The following PTPRM variants were observed in gnomAD, a reference collection of about 807,000 sequenced individuals.
The protein encoded by PTPRM is receptor-type tyrosine-protein phosphatase mu.
PTPRM carries 47 observed loss-of-function variants against 186.7 expected under a neutral mutation model. The ratio of observed to expected loss-of-function variants is 0.25; its 90% CI spans 0.20 to 0.32. The LOEUF is 0.32. Ranked by LOEUF, PTPRM falls within the 10% of genes least tolerant of loss-of-function variation. The pLI is 1.00. For synonymous variants in PTPRM, 668 were observed against 674.9 expected, an observed-to-expected ratio of 0.99 and a Z score of 0.16; for missense variants, 1,494 against 1,865.0, an observed-to-expected ratio of 0.80 and a Z score of 3.66.
chr18:7,993,668 GACAA>G (rs1197082172), intron 7 of PTPRM, among the ~76,000 whole-genome samples: 10 of 151,994 alleles, frequency 6.6e-5, no homozygotes. Context: ...GTGTTTCCTA[GACAA>G]ACAAAAACTG....
intron 5 of PTPRM, among the ~76,000 whole-genome samples, chr18:7,927,273 G>A (rs1446293938): frequency 6.6e-6 from 1 of 152,126 alleles, no homozygotes; most frequent in East Asian, 1.9e-4. Context: ...CTGACAGAAT[G>A]AGTGGGAGTA....
At chr18:7,779,732 GT>G (rs1029877241) in intron 2 of PTPRM, among the ~76,000 whole-genome samples, 6 of 152,170 alleles carry the variant, frequency 3.9e-5, no homozygotes, top group Non-Finnish European at 8.8e-5. Flanking sequence ...AGTGAGAAAT[GT>G]TTTTGGCACA....
At chr18:8,132,952 C>A (rs976108690) in intron 13 of PTPRM, among the ~76,000 whole-genome samples, 3 of 152,208 alleles carry the variant, frequency 2.0e-5, no homozygotes, top group East Asian at 1.9e-4. Context: ...CAAATCAGGT[C>A]ATTTATAAAC....
At chr18:7,619,002 C>T (rs775242672) in intron 1 of PTPRM, among the ~76,000 whole-genome samples, 8 of 151,990 alleles carry the variant, frequency 5.3e-5, no homozygotes, top group Non-Finnish European at 8.8e-5. Context: ...AAACAGTCCC[C>T]GGGCTCTCGG....
chr18:8,190,762 G>A (rs947577252), intron 14 of PTPRM, among the ~76,000 whole-genome samples: 2 of 152,156 alleles, frequency 1.3e-5, no homozygotes, highest in African/African-American at 4.8e-5. Context: ...TATACAAGAT[G>A]ATGGTTTTAT....
intron 2 of PTPRM, among the ~76,000 whole-genome samples, chr18:7,854,948 A>G (rs867463888): frequency 8.5e-5 from 13 of 152,066 alleles, no homozygotes; most frequent in Admixed American, 3.3e-4. Context: ...CATATCCTTG[A>G]AGGTTAGGTA....
chr18:7,628,821 C>G (rs1037212097), intron 1 of PTPRM, among the ~76,000 whole-genome samples: 2 of 152,166 alleles, frequency 1.3e-5, no homozygotes, highest in African/African-American at 4.8e-5. Context: ...ATGGAACAGG[C>G]ACTGTGTACT....
At chr18:8,302,472 A>G (rs2095169768) in intron 20 of PTPRM, among the ~76,000 whole-genome samples, 1 of 152,166 alleles carries the variant, frequency 6.6e-6, no homozygotes. Context: ...TATAAGAATA[A>G]CGGAAACTTC....
At chr18:8,195,815 C>A (rs1346714381) in intron 14 of PTPRM, among the ~76,000 whole-genome samples, 2 of 152,024 alleles carry the variant, frequency 1.3e-5, no homozygotes, top group East Asian at 3.9e-4. Context: ...GATGGTTACA[C>A]TGAAAGCCCA....
chr18:8,382,662 C>G lies in PTPRM; in HGVS notation c.3919-1899C>G, dbSNP rs142591664. Reference sequence around the variant, plus strand: ...AACATAAAAGGCACCCTTGGTTACCCTACTTTCATTCTTACTTATAAAATC... The same window carrying G: ...AACATAAAAGGCACCCTTGGTTACCGTACTTTCATTCTTACTTATAAAATC... On this transcript the variant is annotated intron_variant, in intron 29 of 32. Transcript: ENST00000580170. Among the ~76,000 whole-genome samples, 288 of 152,254 alleles carry G rather than the reference C, an allele frequency of 1.9e-3. 2 individuals carry two copies. The highest frequency in any genetic ancestry group is 7.1e-4 in the Non-Finnish European group (48 of 68,000).
intron 5 of PTPRM, among the ~76,000 whole-genome samples, chr18:7,936,504 C>T (rs190689922): frequency 3.9e-5 from 6 of 152,304 alleles, no homozygotes; most frequent in East Asian, 3.9e-4. Flanking sequence ...AGCCCCCTGC[C>T]GCCTCAGCCC....
chr18:7,809,777 A>T (rs1288339285), intron 2 of PTPRM, among the ~76,000 whole-genome samples: 1 of 152,096 alleles, frequency 6.6e-6, no homozygotes, highest in Non-Finnish European at 1.5e-5. Context: ...CCTTCCTGTG[A>T]TGTTTATCTT....
chr18:8,319,967 GA>G (rs1184400041), intron 22 of PTPRM, among the ~76,000 whole-genome samples: 1 of 152,180 alleles, frequency 6.6e-6, no homozygotes, highest in Non-Finnish European at 1.5e-5. Context: ...GTCATCTGCA[GA>G]TGGTGGGGGT....
intron 1 of PTPRM, among the ~76,000 whole-genome samples, chr18:7,770,395 A>G (rs1452871936): frequency 1.3e-5 from 2 of 152,194 alleles, no homozygotes; most frequent in African/African-American, 4.8e-5. Context: ...CAAGTTTTCA[A>G]TTATATATTC....
intron 7 of PTPRM, among the ~76,000 whole-genome samples, chr18:7,991,141 A>G (rs932284401): frequency 1.8e-4 from 27 of 152,206 alleles, no homozygotes; most frequent in African/African-American, 6.3e-4. Flanking sequence ...GAAGGATTTC[A>G]TGAGAGCATT....
intron 2 of PTPRM, among the ~76,000 whole-genome samples, chr18:7,821,728 A>G (rs554192205): frequency 6.6e-6 from 1 of 152,292 alleles, no homozygotes; most frequent in East Asian, 1.9e-4. Context: ...TTGAACACAA[A>G]CACTGCAATA....
chr18:7,953,750 C>T (rs1451388430), intron 6 of PTPRM, among the ~76,000 whole-genome samples: 1 of 152,162 alleles, frequency 6.6e-6, no homozygotes, highest in Non-Finnish European at 1.5e-5. Context: ...GTGCAAACCT[C>T]ATGTGGTGCT....
chr18:7,658,359 T>TATATATATAC (rs1491198247), intron 1 of PTPRM, among the ~76,000 whole-genome samples: 17 of 136,680 alleles, frequency 1.2e-4, no homozygotes, highest in African/African-American at 4.7e-4. Flanking sequence ...TATATATATA[T>TATATATATAC]ACATACACAC....
intron 1 of PTPRM, among the ~76,000 whole-genome samples, chr18:7,693,535 C>T (rs2039779536): frequency 1.3e-5 from 2 of 152,174 alleles, no homozygotes; most frequent in Non-Finnish European, 2.9e-5. Context: ...TATTTGAAAA[C>T]TTTTAAGGTA....
Sources: gnomAD v4.1 joint callset for allele counts (sites outside exome capture counted in the v4.1 genomes callset) on GRCh38, gnomAD v4.1.1 for gene constraint, MANE v1.5 for transcripts, NCBI Gene and HGNC (gene_info 2026-07-23, HGNC 2026-07-21) for gene names.